ADCY2: variants seen among roughly 807,000 people sequenced by gnomAD.
ADCY2 encodes the protein adenylate cyclase 2.
Under a neutral mutation model 125.2 loss-of-function variants are expected in ADCY2, and 31 were observed. That is an observed-to-expected ratio of 0.25 (90% CI 0.19 to 0.33). ADCY2 has a LOEUF of 0.33. Ranked by LOEUF, ADCY2 falls within the 10% of genes least tolerant of loss-of-function variation. ADCY2 has a pLI of 1.00. For missense variants in ADCY2, 904 were observed against 1,418.2 expected (o/e 0.64, Z 5.82); for synonymous variants, 512 against 548.4 (o/e 0.93, Z 0.93).
At chr5:7,732,360 C>T (rs1742128673) in intron 14 of ADCY2, among the ~76,000 whole-genome samples, 1 of 152,284 alleles carries the variant, frequency 6.6e-6, no homozygotes, top group Admixed American at 6.5e-5. Flanking sequence ...GGGCCCCTGA[C>T]TTTATTCAAG....
intron 19 of ADCY2, among the ~76,000 whole-genome samples, chr5:7,786,999 G>A (rs993828796): frequency 9.9e-5 from 15 of 152,178 alleles, no homozygotes; most frequent in Non-Finnish European, 1.5e-5. Flanking sequence ...GGCATGTCCT[G>A]GAGGATTCTC....
chr5:7,477,728 G>A (rs1742574666), intron 2 of ADCY2, among the ~76,000 whole-genome samples: 1 of 152,120 alleles, frequency 6.6e-6, no homozygotes, highest in Non-Finnish European at 1.5e-5. Context: ...ATTGTTTGAG[G>A]CCTAATCAGA....
intron 15 of ADCY2, among the ~76,000 whole-genome samples, chr5:7,756,632 A>T (rs1278477833): frequency 6.6e-6 from 1 of 152,176 alleles, no homozygotes; most frequent in Non-Finnish European, 1.5e-5. Context: ...GAATAGTCAC[A>T]GTCATGGAAA....
intron 15 of ADCY2, among the ~76,000 whole-genome samples, chr5:7,749,055 A>G (rs926284138): frequency 1.3e-5 from 2 of 152,190 alleles, no homozygotes; most frequent in Admixed American, 6.5e-5. Context: ...AGGGATGCCC[A>G]TGTTCATGGA....
chr5:7,465,921 G>T (rs1742097625), intron 2 of ADCY2, among the ~76,000 whole-genome samples: 1 of 152,148 alleles, frequency 6.6e-6, no homozygotes, highest in South Asian at 2.1e-4. Flanking sequence ...GGGGAAAGAA[G>T]ATCCTAGACA....
chr5:7,416,456 T>C (rs563407705), intron 2 of ADCY2, among the ~76,000 whole-genome samples: 1 of 152,262 alleles, frequency 6.6e-6, no homozygotes, highest in East Asian at 1.9e-4. Flanking sequence ...CTGATGCCAC[T>C]TACACTCTGT....
At chr5:7,537,999 G>A (rs998138280) in intron 3 of ADCY2, among the ~76,000 whole-genome samples, 1 of 152,160 alleles carries the variant, frequency 6.6e-6, no homozygotes, top group Non-Finnish European at 1.5e-5. Context: ...TATCCCAGGA[G>A]CTCACATTCG....
intron 23 of ADCY2, among the ~76,000 whole-genome samples, chr5:7,818,583 T>G (rs1384689013): frequency 1.3e-5 from 2 of 152,302 alleles, no homozygotes; most frequent in Middle Eastern, 3.4e-3. Context: ...AGATTTAGTA[T>G]ATTTAGTAGA....
intron 14 of ADCY2, among the ~76,000 whole-genome samples, chr5:7,737,768 C>G (rs149011832): frequency 1.3e-5 from 2 of 151,910 alleles, no homozygotes. Flanking sequence ...CTTCTGGAAA[C>G]CAGAAAAAAG....
intron 3 of ADCY2, among the ~76,000 whole-genome samples, chr5:7,606,204 A>C (rs981783033): frequency 1.3e-5 from 2 of 152,194 alleles, no homozygotes; most frequent in Non-Finnish European, 2.9e-5. Flanking sequence ...CAAGCCAGAC[A>C]CTTAAGATAT....
chr5:7,705,609 G>T (rs1460440350), intron 7 of ADCY2, among the ~76,000 whole-genome samples: 2 of 152,112 alleles, frequency 1.3e-5, no homozygotes, highest in African/African-American at 4.8e-5. Context: ...CAGATGCAGG[G>T]CAGAGGGGTG....
At chr5:7,637,880 G>A (rs1738564128) in intron 4 of ADCY2, among the ~76,000 whole-genome samples, 1 of 152,198 alleles carries the variant, frequency 6.6e-6, no homozygotes, top group Non-Finnish European at 1.5e-5. Context: ...TCAAGGTTGG[G>A]CAGTTTAACT....
At chr5:7,422,811 T>C (rs1364001690) in intron 2 of ADCY2, among the ~76,000 whole-genome samples, 3 of 152,228 alleles carry the variant, frequency 2.0e-5, no homozygotes, top group Admixed American at 6.5e-5. Context: ...TCTTTTTTTA[T>C]TGAAAATGAG....
chr5:7,515,057 A>G (rs10073047), intron 2 of ADCY2, among the ~76,000 whole-genome samples: 4,530 of 152,312 alleles, frequency 0.03, 217 homozygotes, highest in African/African-American at 0.1. Context: ...TCCAAGTCCT[A>G]TGCTTTCTGC....
chr5:7,430,548 G>C (rs1350237284), intron 2 of ADCY2, among the ~76,000 whole-genome samples: 2 of 147,086 alleles, frequency 1.4e-5, no homozygotes, highest in African/African-American at 5.0e-5. Flanking sequence ...TATATATATA[G>C]TATATTGATA....
chr5:7,621,140 G>A (rs1201163299), intron 3 of ADCY2, among the ~76,000 whole-genome samples: 2 of 152,178 alleles, frequency 1.3e-5, no homozygotes, highest in African/African-American at 4.8e-5. Context: ...ACAATGACCT[G>A]ATACCCTTAA....
chr5:7,792,250 C>A (rs940966594), intron 20 of ADCY2, among the ~76,000 whole-genome samples: 1 of 144,092 alleles, frequency 6.9e-6, no homozygotes, highest in African/African-American at 2.6e-5. Context: ...AAAAAATTAG[C>A]TGGGCATGGT....
intron 1 of ADCY2, among the ~76,000 whole-genome samples, chr5:7,411,425 G>A (rs1272402853): frequency 6.6e-6 from 1 of 152,200 alleles, no homozygotes; most frequent in Non-Finnish European, 1.5e-5. Context: ...CCTAGATTAG[G>A]ACTTCAGAGG....
chr5:7,459,535 T>C (rs1340050360), intron 2 of ADCY2, among the ~76,000 whole-genome samples: 1 of 152,152 alleles, frequency 6.6e-6, no homozygotes, highest in Non-Finnish European at 1.5e-5. Context: ...TCTTGTTTAG[T>C]AGGGACAATC....
Sources: allele counts gnomAD v4.1 joint callset (sites outside exome capture counted in the v4.1 genomes callset), GRCh38; gene constraint gnomAD v4.1.1; transcripts MANE v1.5; gene names NCBI Gene and HGNC (gene_info 2026-07-23, HGNC 2026-07-21).